The following ANO1 variants were observed in gnomAD, a reference collection of about 807,000 sequenced individuals.
The protein encoded by ANO1 is anoctamin 1, also known as anoctamin-1.
In ANO1, 59 loss-of-function variants were observed where a neutral mutation model predicts 124.0. The observed-to-expected ratio is 0.48, with a 90% confidence interval of 0.39 to 0.59. The LOEUF (loss-of-function observed/expected upper bound fraction) is 0.59, where lower values mean the gene tolerates loss of function less well. Ranked by LOEUF, ANO1 falls within the 20% of genes least tolerant of loss-of-function variation. The pLI is 0.00. For missense variants in ANO1, 1,059 were observed against 1,328.0 expected, an observed-to-expected ratio of 0.80 and a Z score of 3.15; for synonymous variants, 529 against 532.0, an observed-to-expected ratio of 0.99 and a Z score of 0.08.
At chr11:70,026,487 T>C (rs886747392) in intron 1 of ANO1, among the ~76,000 whole-genome samples, 4 of 151,738 alleles carry the variant, frequency 2.6e-5, no homozygotes, top group South Asian at 2.1e-4. Flanking sequence ...GTGGTGGTGA[T>C]GCTGGTGACA....
intron 9 of ANO1, among the ~76,000 whole-genome samples, chr11:70,125,429 TC>T (rs1449741075): frequency 2.7e-5 from 4 of 149,472 alleles, no homozygotes; most frequent in Admixed American, 2.7e-4. Flanking sequence ...GGCAGGAGAA[TC>T]GCTTGAACCT....
intron 11 of ANO1, among the ~76,000 whole-genome samples, chr11:70,135,498 C>G (rs573470639): frequency 6.6e-6 from 1 of 152,326 alleles, no homozygotes; most frequent in East Asian, 1.9e-4. Flanking sequence ...ACGCTCTGCC[C>G]ATCCCTGGCA....
chr11:70,053,010 A>G (rs1857378239), intron 1 of ANO1, among the ~76,000 whole-genome samples: 1 of 151,906 alleles, frequency 6.6e-6, no homozygotes, highest in Admixed American at 6.6e-5. Flanking sequence ...TATGCATTTA[A>G]TTTTTTTAAT....
At chr11:70,028,005 T>A (rs1335803744) in intron 1 of ANO1, among the ~76,000 whole-genome samples, 1 of 152,230 alleles carries the variant, frequency 6.6e-6, no homozygotes, top group East Asian at 1.9e-4. Flanking sequence ...ACCCGTGGGT[T>A]TTTTAAGAAG....
At chr11:70,033,161 C>G (rs945731979) in intron 1 of ANO1, among the ~76,000 whole-genome samples, 2 of 152,138 alleles carry the variant, frequency 1.3e-5, no homozygotes, top group Non-Finnish European at 2.9e-5. Flanking sequence ...GGGGCCTTCA[C>G]GGGGCGGTTT....
At chr11:70,170,225 G>A (rs1000089573) in intron 21 of ANO1, 11 of 452,298 alleles carry the variant, frequency 2.4e-5, no homozygotes, top group African/African-American at 1.2e-4. Context: ...CCACTGCCAC[G>A]TCCCTTCCCA....
intron 1 of ANO1, among the ~76,000 whole-genome samples, chr11:69,994,590 A>G (rs1007905805): frequency 6.6e-6 from 1 of 152,220 alleles, no homozygotes; most frequent in Admixed American, 6.5e-5. Flanking sequence ...ATTTAGCAAG[A>G]AAAGCTCAGT....
chr11:70,076,701 C>G (rs2044062355), upstream of ANO1, among the ~76,000 whole-genome samples: 1 of 152,202 alleles, frequency 6.6e-6, no homozygotes, highest in Non-Finnish European at 1.5e-5. Flanking sequence ...AACCCTCTCT[C>G]GCTGTCCAAG....
intron 13 of ANO1, 114 bp from the exon 14 acceptor site, chr11:70,152,943 G>C (rs2047663629): frequency 1.2e-6 from 1 of 847,800 alleles, no homozygotes; most frequent in Non-Finnish European, 1.9e-6. Context: ...CTATGAACTG[G>C]ACCCAAAGGG....
chr11:70,103,444 G>C (rs111281139), intron 3 of ANO1, among the ~76,000 whole-genome samples: 1 of 151,968 alleles, frequency 6.6e-6, no homozygotes, highest in Non-Finnish European at 1.5e-5. Flanking sequence ...CCCACCTCTC[G>C]GCCCCCGGGG....
In ANO1 at chr11:70,011,280, A is replaced by C. The variant is rs79045585; in HGVS notation, c.58+25114A>C. ...TTGGCTGGAGTGAGCAGGGGAGGGA[A>C]GGATGGGAAGTGTCCTTCAGCAGTT... On this transcript the variant is annotated intron_variant, in intron 1 of 27. Transcript: ENST00000531349. Among the ~76,000 whole-genome samples the C allele has an allele frequency of 3.2e-3, 488 of 152,236 alleles. 1 individual carries two copies. Among genetic ancestry groups the C allele is most frequent in the Admixed American group, 5.0e-3 (77 of 15,290 alleles).
chr11:70,151,025 A>G (rs562443389), intron 12 of ANO1, among the ~76,000 whole-genome samples: 11 of 152,226 alleles, frequency 7.2e-5, no homozygotes, highest in Non-Finnish European at 1.5e-4. Flanking sequence ...CTCACAGGGT[A>G]TAAGACGGGC....
At chr11:70,114,841 C>T (rs1257041819) in intron 7 of ANO1, among the ~76,000 whole-genome samples, 1 of 152,134 alleles carries the variant, frequency 6.6e-6, no homozygotes, top group African/African-American at 2.4e-5. Flanking sequence ...GGATAACAAC[C>T]TGATAGAGTT....
the ANO1 span, among the ~76,000 whole-genome samples, chr11:69,978,625 A>T: frequency 1.3e-5 from 2 of 152,190 alleles, no homozygotes; most frequent in Non-Finnish European, 2.9e-5. Context: ...TGCTGGGATT[A>T]CACGTGTAAG....
intron 1 of ANO1, among the ~76,000 whole-genome samples, chr11:70,080,962 A>G (rs1370818968): frequency 1.3e-5 from 2 of 152,184 alleles, no homozygotes; most frequent in Admixed American, 6.5e-5. Flanking sequence ...CATTACCCTG[A>G]GTCACCCAAC....
chr11:70,078,781 C>G, intron 1 of ANO1, 67 bp downstream of exon 1: 1 of 1,124,918 alleles, frequency 8.9e-7, no homozygotes, highest in Non-Finnish European at 1.1e-6. Flanking sequence ...GGGCGGGAAC[C>G]GGGCGGCGGC....
chr11:70,045,684 A>C (rs1857249495), intron 1 of ANO1, among the ~76,000 whole-genome samples: 1 of 151,992 alleles, frequency 6.6e-6, no homozygotes, highest in African/African-American at 2.4e-5. Flanking sequence ...TTAAGGGAAG[A>C]TCTTCACTTT....
At chr11:70,075,309 C>T (rs1304966844), upstream of ANO1, 1 of 152,200 alleles carries the variant, frequency 6.6e-6, no homozygotes, top group African/African-American at 2.4e-5. Context: ...TGTTGGTCTG[C>T]GCTCCTTGTC....
rs117621150 is a variant in ANO1 at position 70,086,570 on chromosome 11, G to A, written c.109-1182G>A. On this transcript the variant is annotated intron_variant, in intron 1 of 25. Coordinates refer to ENST00000355303, the MANE Select transcript of ANO1 (RefSeq NM_018043.7). ...CCTCTGCACCCAAAGGTGACTGACC[G>A]TGCAGGTGCTGCCGCAGGCCACGTG... 7.4e-4 allele frequency among the ~76,000 whole-genome samples: 113 copies of A among 152,316 alleles called. 3 individuals are homozygous for A. The East Asian group carries it at 0.021, about 28-fold the overall frequency.
Sources: allele counts gnomAD v4.1 joint callset (sites outside exome capture counted in the v4.1 genomes callset), GRCh38; gene constraint gnomAD v4.1.1; transcripts MANE v1.5; gene names NCBI Gene and HGNC (gene_info 2026-07-23, HGNC 2026-07-21).